The following CEP112 variants were observed in gnomAD, a reference collection of about 807,000 sequenced individuals.
CEP112 encodes centrosomal protein of 112 kDa.
Under a neutral mutation model 153.0 loss-of-function variants are expected in CEP112, and 127 were observed. That is an observed-to-expected ratio of 0.83 (90% CI 0.72 to 0.96). The LOEUF (loss-of-function observed/expected upper bound fraction) is 0.96. Among genes scored for constraint, CEP112 ranks in the 40% least tolerant of loss-of-function variants. The pLI, the probability that CEP112 is intolerant of heterozygous loss-of-function variation, is 0.00. For synonymous variants in CEP112, 358 were observed against 374.4 expected, an observed-to-expected ratio of 0.96 and a Z score of 0.51; for missense variants, 1,089 against 1,101.2, an observed-to-expected ratio of 0.99 and a Z score of 0.16.
intron 24 of CEP112, among the ~76,000 whole-genome samples, chr17:65,674,558 T>A (rs1412959985): frequency 1.3e-5 from 2 of 152,000 alleles, no homozygotes; most frequent in South Asian, 4.1e-4. Context: ...TCTGATAAAA[T>A]CCCTATACTT....
chr17:66,026,730 A>G (rs1434338026), intron 16 of CEP112, among the ~76,000 whole-genome samples: 1 of 152,186 alleles, frequency 6.6e-6, no homozygotes, highest in East Asian at 1.9e-4. Context: ...ACATCCTCCT[A>G]TGTACTTTAA....
chr17:66,176,309 T>C (rs2072470632), intron 3 of CEP112, among the ~76,000 whole-genome samples: 1 of 152,134 alleles, frequency 6.6e-6, no homozygotes, highest in South Asian at 2.1e-4. Flanking sequence ...GCAGTGACAA[T>C]TTATCCACCA....
At chr17:65,884,089 A>C (rs539580539) in intron 20 of CEP112, among the ~76,000 whole-genome samples, 2 of 152,320 alleles carry the variant, frequency 1.3e-5, no homozygotes, top group Admixed American at 6.5e-5. Context: ...GGGAACTTGA[A>C]GGTTATTAGC....
chr17:65,728,275 T>C (rs1053607014), intron 23 of CEP112, among the ~76,000 whole-genome samples: 1 of 152,174 alleles, frequency 6.6e-6, no homozygotes, highest in Non-Finnish European at 1.5e-5. Flanking sequence ...AGAAAAACAC[T>C]GTGGAATTTG....
At chr17:65,846,124 T>C (rs1434459154) in intron 21 of CEP112, among the ~76,000 whole-genome samples, 1 of 152,218 alleles carries the variant, frequency 6.6e-6, no homozygotes, top group Non-Finnish European at 1.5e-5. Flanking sequence ...CTCTGAATTC[T>C]TGACTGGGTT....
chr17:65,676,157 T>G (rs2047224930), intron 24 of CEP112, among the ~76,000 whole-genome samples: 1 of 152,030 alleles, frequency 6.6e-6, no homozygotes, highest in African/African-American at 2.4e-5. Flanking sequence ...GCCAACATGG[T>G]GAAACCCCAT....
chr17:65,691,120 G>A (rs749553486), intron 23 of CEP112, among the ~76,000 whole-genome samples: 1 of 152,144 alleles, frequency 6.6e-6, no homozygotes, highest in Non-Finnish European at 1.5e-5. Context: ...ATTCTGGCCT[G>A]AGGAGCTAAG....
intron 4 of CEP112, among the ~76,000 whole-genome samples, chr17:66,161,695 T>C (rs753309405): frequency 4.0e-5 from 6 of 151,748 alleles, no homozygotes; most frequent in Non-Finnish European, 8.8e-5. Flanking sequence ...GATTGGGGGC[T>C]AGGGGAGGGA....
At chr17:65,833,740 C>T (rs2057183690) in intron 21 of CEP112, among the ~76,000 whole-genome samples, 1 of 152,164 alleles carries the variant, frequency 6.6e-6, no homozygotes, top group South Asian at 2.1e-4. Flanking sequence ...ACATCCCATG[C>T]TCATGGATTG....
At chr17:65,879,379 G>A (rs980214913) in intron 20 of CEP112, among the ~76,000 whole-genome samples, 1 of 152,208 alleles carries the variant, frequency 6.6e-6, no homozygotes, top group Non-Finnish European at 1.5e-5. Flanking sequence ...CCTCCAGAAG[G>A]AGCCAAGGCT....
chr17:65,737,663 G>A (rs573232764), intron 23 of CEP112, among the ~76,000 whole-genome samples: 20 of 152,274 alleles, frequency 1.3e-4, no homozygotes, highest in Admixed American at 9.2e-4. Flanking sequence ...TGGCTTGTGC[G>A]CCAGCTCTGC....
intron 10 of CEP112, among the ~76,000 whole-genome samples, chr17:66,064,918 A>T (rs2067058322): frequency 6.6e-6 from 1 of 152,214 alleles, no homozygotes; most frequent in South Asian, 2.1e-4. Flanking sequence ...GGTGGAAATG[A>T]ACCTACAAAT....
At chr17:66,033,242 C>T (rs9910989) in intron 12 of CEP112, among the ~76,000 whole-genome samples, 78,290 of 151,628 alleles carry the variant, frequency 0.52, 21,100 homozygotes, top group African/African-American at 0.59. Context: ...AGAAAATGTA[C>T]CTAATGACAT....
At chr17:65,674,068 G>C (rs755019543) in intron 24 of CEP112, among the ~76,000 whole-genome samples, 1 of 152,042 alleles carries the variant, frequency 6.6e-6, no homozygotes, top group Admixed American at 6.6e-5. Flanking sequence ...GTAGAGACAG[G>C]GTTTCACCAT....
At chr17:65,643,213 A>G (rs1395378468) in intron 24 of CEP112, among the ~76,000 whole-genome samples, 6 of 152,218 alleles carry the variant, frequency 3.9e-5, no homozygotes, top group Admixed American at 3.9e-4. Flanking sequence ...TCATCTGGAC[A>G]GGTGGAGGCA....
chr17:66,046,207 T>C (rs868232737), intron 12 of CEP112, among the ~76,000 whole-genome samples: 2 of 152,098 alleles, frequency 1.3e-5, no homozygotes, highest in African/African-American at 4.8e-5. Flanking sequence ...CACGCCCGGC[T>C]AATTTTCTGT....
intron 12 of CEP112, among the ~76,000 whole-genome samples, chr17:66,040,100 C>T (rs1168775832): frequency 6.6e-6 from 1 of 152,118 alleles, no homozygotes; most frequent in African/African-American, 2.4e-5. Context: ...TAAGATGTGC[C>T]TATGTCAAGC....
At chr17:65,871,203 C>T (rs2058660399) in intron 20 of CEP112, among the ~76,000 whole-genome samples, 2 of 152,084 alleles carry the variant, frequency 1.3e-5, no homozygotes, top group Non-Finnish European at 2.9e-5. Flanking sequence ...AGAGTGCTGC[C>T]CCCTGTGAAG....
At chr17:65,709,971 A>G (rs1464302980) in intron 23 of CEP112, among the ~76,000 whole-genome samples, 2 of 152,222 alleles carry the variant, frequency 1.3e-5, no homozygotes, top group African/African-American at 2.4e-5. Context: ...TAAGCATGGC[A>G]TATATACTTG....
Sources: allele counts gnomAD v4.1 joint callset (sites outside exome capture counted in the v4.1 genomes callset), GRCh38; gene constraint gnomAD v4.1.1; transcripts MANE v1.5; gene names NCBI Gene and HGNC (gene_info 2026-07-23, HGNC 2026-07-21).